ELMO1: variants seen among roughly 807,000 people sequenced by gnomAD.
ELMO1 encodes the protein engulfment and cell motility 1.
In ELMO1, 26 loss-of-function variants were observed where a neutral mutation model predicts 98.9. The ratio of observed to expected loss-of-function variants is 0.26; its 90% CI spans 0.19 to 0.36. The LOEUF (loss-of-function observed/expected upper bound fraction) is 0.36, where lower values mean the gene tolerates loss of function less well. Among genes scored for constraint, ELMO1 ranks in the 10% least tolerant of loss-of-function variants. The probability of loss-of-function intolerance (pLI) is 1.00; values close to 1 mark genes in which losing one functional copy is unlikely to be tolerated. For missense variants in ELMO1, 627 were observed against 935.2 expected (o/e 0.67, Z 4.30); for synonymous variants, 346 against 346.0 (o/e 1.00, Z 0.00).
At chr7:37,086,330 CTGTGTGTGTGTGTG>C (rs58906590) in intron 15 of ELMO1, among the ~76,000 whole-genome samples, 57 of 143,182 alleles carry the variant, frequency 4.0e-4, no homozygotes, top group African/African-American at 9.2e-4. Flanking sequence ...CAATACATGA[CTGTGTGTGTGTGTG>C]TGTGTGTGTG....
intron 16 of ELMO1, among the ~76,000 whole-genome samples, chr7:36,953,140 G>A (rs1219811954): frequency 6.6e-6 from 1 of 151,662 alleles, no homozygotes; most frequent in Non-Finnish European, 1.5e-5. Flanking sequence ...TAATTTTTTT[G>A]TATTTTCAGT....
chr7:36,992,132 T>C (rs984013950), intron 16 of ELMO1, among the ~76,000 whole-genome samples: 2 of 152,220 alleles, frequency 1.3e-5, no homozygotes, highest in Non-Finnish European at 2.9e-5. Context: ...AAGTGATACC[T>C]ACGAACAGTA....
chr7:37,315,408 G>T (rs930471547), intron 3 of ELMO1, among the ~76,000 whole-genome samples: 6 of 151,928 alleles, frequency 3.9e-5, no homozygotes, highest in African/African-American at 1.5e-4. Flanking sequence ...TATTTTCACA[G>T]TTCTGGTTTA....
chr7:37,019,098 T>A (rs995976228), intron 15 of ELMO1, among the ~76,000 whole-genome samples: 1 of 152,246 alleles, frequency 6.6e-6, no homozygotes, highest in East Asian at 1.9e-4. Context: ...GTCTGAACTC[T>A]CTGAATGTGT....
chr7:37,216,796 T>C (rs1299611702), intron 10 of ELMO1, 101 bp from the exon 11 acceptor site: 1 of 1,117,844 alleles, frequency 8.9e-7, no homozygotes, highest in Non-Finnish European at 1.4e-6. Context: ...CGTAACTGTA[T>C]ATCAGCAGTA....
chr7:36,922,676 C>G (rs75511644), intron 16 of ELMO1, among the ~76,000 whole-genome samples: 93 of 152,192 alleles, frequency 6.1e-4, no homozygotes, highest in South Asian at 4.4e-3. Flanking sequence ...TTGCTGCTGC[C>G]GGGAGGGCAT....
intron 16 of ELMO1, among the ~76,000 whole-genome samples, chr7:36,963,384 TAAATAAATAAATAAATAAAA>T (rs1391783982): frequency 6.8e-5 from 9 of 133,302 alleles, no homozygotes; most frequent in Non-Finnish European, 1.4e-4. Flanking sequence ...CTCAAATAAA[TAAATAAATAAATAAATAAAA>T]AAATAAATAA....
Position 36,854,661 on chromosome 7 carries a change from A to G in ELMO1, c.*890T>C, listed in dbSNP as rs1802069266. The stretch of plus-strand genomic sequence containing the variant: ...CCTGTGGAACTTGAGTTGCAGCAGG[A>G]CCTCCCAGGAGAAGGTAACACCAAA... On this transcript the variant is annotated 3_prime_UTR_variant, in exon 22 of 22. Coordinates refer to ENST00000310758, the MANE Select transcript of ELMO1 (RefSeq NM_014800.11). 1 of 152,400 alleles carries G rather than the reference A, an allele frequency of 6.6e-6. No homozygotes were observed. Among genetic ancestry groups the G allele is most frequent in the Non-Finnish European group, 1.5e-5 (1 of 68,024 alleles). The allele number at this position is 152,400 out of a possible 1,614,324, so 9.4% of individuals were successfully genotyped here.
chr7:36,985,847 G>T, intron 16 of ELMO1: 1 of 955,872 alleles, frequency 1.0e-6, no homozygotes, highest in Non-Finnish European at 1.3e-6. Flanking sequence ...TTTCTCGGCA[G>T]ACAATAGGAC....
intron 15 of ELMO1, among the ~76,000 whole-genome samples, chr7:37,042,388 C>T (rs1343834888): frequency 6.6e-6 from 1 of 151,982 alleles, no homozygotes; most frequent in African/African-American, 2.4e-5. Context: ...TCCATATTAA[C>T]CCTACTGCTG....
At chr7:37,014,490 G>T (rs1793782865) in intron 15 of ELMO1, among the ~76,000 whole-genome samples, 1 of 152,030 alleles carries the variant, frequency 6.6e-6, no homozygotes, top group African/African-American at 2.4e-5. Flanking sequence ...TTGTTACATA[G>T]GTATATATGT....
intron 4 of ELMO1, among the ~76,000 whole-genome samples, chr7:37,301,673 T>C (rs1390564995): frequency 2.6e-5 from 4 of 151,994 alleles, no homozygotes; most frequent in Non-Finnish European, 5.9e-5. Flanking sequence ...AAGCAGTCAC[T>C]TTTATTTTTT....
At chr7:37,074,230 A>C (rs987935465) in intron 15 of ELMO1, among the ~76,000 whole-genome samples, 1 of 149,312 alleles carries the variant, frequency 6.7e-6, no homozygotes, top group Admixed American at 6.7e-5. Context: ...TATATAGTAT[A>C]ATTTAAATAT....
At chr7:37,111,608 A>G (rs1323612768) in intron 14 of ELMO1, among the ~76,000 whole-genome samples, 1 of 152,246 alleles carries the variant, frequency 6.6e-6, no homozygotes, top group Non-Finnish European at 1.5e-5. Context: ...CCCATTTGCA[A>G]CTTACTATCT....
intron 16 of ELMO1, among the ~76,000 whole-genome samples, chr7:36,911,208 C>A (rs558005282): frequency 6.6e-6 from 1 of 152,304 alleles, no homozygotes; most frequent in African/African-American, 2.4e-5. Flanking sequence ...AAGCAGGGTG[C>A]TGAGACATTA....
chr7:37,350,327 C>T (rs111609850), intron 1 of ELMO1, among the ~76,000 whole-genome samples: 2 of 152,220 alleles, frequency 1.3e-5, no homozygotes, highest in African/African-American at 2.4e-5. Flanking sequence ...ATTTACTTGA[C>T]AGGTGGGGAA....
intron 20 of ELMO1, among the ~76,000 whole-genome samples, chr7:36,864,301 T>C (rs1263927851): frequency 6.6e-6 from 1 of 152,190 alleles, no homozygotes; most frequent in African/African-American, 2.4e-5. Context: ...AGGCAAACTT[T>C]CAGCTTTGCC....
At chr7:36,919,754 G>C (rs940893027) in intron 16 of ELMO1, among the ~76,000 whole-genome samples, 2 of 152,028 alleles carry the variant, frequency 1.3e-5, no homozygotes, top group Non-Finnish European at 2.9e-5. Context: ...GGGCTCACGG[G>C]GAAGAGTTTC....
chr7:37,442,527 ATTC>A (rs1375054684), intron 1 of ELMO1, among the ~76,000 whole-genome samples: 1 of 152,182 alleles, frequency 6.6e-6, no homozygotes, highest in East Asian at 1.9e-4. Context: ...ATAAACGCCC[ATTC>A]TTCTTGGCAA....
Sources: allele counts gnomAD v4.1 joint callset (sites outside exome capture counted in the v4.1 genomes callset), GRCh38; gene constraint gnomAD v4.1.1; transcripts MANE v1.5; gene names NCBI Gene and HGNC (gene_info 2026-07-23, HGNC 2026-07-21).